The following CACNA1S variants were observed in gnomAD, a reference collection of about 807,000 sequenced individuals.
The protein encoded by CACNA1S is calcium voltage-gated channel subunit alpha1 S, also known as voltage-dependent L-type calcium channel subunit alpha-1S.
A neutral mutation model predicts 207.4 loss-of-function variants in CACNA1S; 126 were observed. That is an observed-to-expected ratio of 0.61 (90% CI 0.53 to 0.70). The LOEUF (loss-of-function observed/expected upper bound fraction) is 0.70, where lower values mean the gene tolerates loss of function less well. CACNA1S is among the 30% of genes least tolerant of loss of function. The pLI is 0.00. For synonymous variants in CACNA1S, 960 were observed against 932.7 expected, an observed-to-expected ratio of 1.03 and a Z score of -0.53; for missense variants, 2,349 against 2,422.8, an observed-to-expected ratio of 0.97 and a Z score of 0.64.
At position 201,054,686 on chromosome 1, in the gene CACNA1S, C is replaced by T. The variant is rs1484819539; in HGVS notation, c.3610-125G>A. 4 of 325,776 alleles carry T rather than the reference C, an allele frequency of 1.2e-5. No individual in the cohort carries two copies. In the South Asian group the frequency reaches 1.3e-4, roughly 11 times the overall value. The allele number at this position is 325,776 out of a possible 1,614,324, so 20.2% of individuals were successfully genotyped here. On this transcript the variant is annotated intron_variant, in intron 28 of 43. Transcript: ENST00000362061. Reference sequence around the variant, plus strand: ...CAGAAGAGTTAAAGAGAAAAAGAGGCAGGGGCTAAAGACCCCACATGGCTG... The same window carrying T: ...CAGAAGAGTTAAAGAGAAAAAGAGGTAGGGGCTAAAGACCCCACATGGCTG...
Position 201,091,953 on chromosome 1 carries a change from C to T in CACNA1S, c.541+19G>A, listed in dbSNP as rs1385258218. ...GGAAGGGAGAGGAGAAAGGGGTCTG[C>T]AGGGACACTGCCACCCACTAGGCAC... On this transcript the variant is annotated intron_variant, in intron 4 of 43. Coordinates refer to ENST00000362061, the MANE Select transcript of CACNA1S (RefSeq NM_000069.3). The T allele has an allele frequency of 2.5e-6, 4 of 1,613,892 alleles. No individual in the cohort carries two copies. The East Asian group carries it at 8.9e-5, about 36-fold the overall frequency.
intron 23 of CACNA1S, 69 bp downstream of exon 23, chr1:201,062,393 C>T: frequency 3.4e-6 from 5 of 1,477,640 alleles, no homozygotes; most frequent in Non-Finnish European, 4.7e-6. Context: ...ACAGTGCTCC[C>T]TGCCCCGTGA....
chr1:201,041,939 T>C (rs560303846), intron 40 of CACNA1S: 2 of 382,762 alleles, frequency 5.2e-6, no homozygotes, highest in East Asian at 6.1e-5. Context: ...CAAAGGTGAG[T>C]GGTGGCTGAG....
chr1:201,041,520 T>G lies in CACNA1S; in HGVS notation c.5118A>C (p.Gln1706His). 6.2e-7 allele frequency: 1 copy of G among 1,613,888 alleles called. No individual in the cohort carries two copies. The highest frequency in any genetic ancestry group is 1.1e-5 in the South Asian group (1 of 91,070). The change falls in exon 41 of 44, where the codon CAA becomes CAC. Residue 1706 changes from glutamine (Q) to histidine (H), a missense_variant. Gln to His is a conservative substitution (Grantham distance 24). Coordinates refer to ENST00000362061, the MANE Select transcript of CACNA1S (RefSeq NM_000069.3). ...TPATRGRALG[Q>H]PCRVLGPHSK... ...GGGACTGACCCAGGACCCTGCAGGG[T>G]TGGCCAAGGGCTCGTCCTCTGGTAG...
chr1:201,077,248 C>T (rs1323352443), intron 11 of CACNA1S, 121 bp from the exon 12 acceptor site: 6 of 833,950 alleles, frequency 7.2e-6, no homozygotes, highest in Non-Finnish European at 1.0e-5. Flanking sequence ...GGGGCTGCCT[C>T]ACTGCTGGAA....
intron 42 of CACNA1S, 31 bp from the exon 43 acceptor site, chr1:201,040,405 G>A (rs372666749): frequency 5.3e-5 from 86 of 1,610,060 alleles, no homozygotes; most frequent in Middle Eastern, 1.6e-4. Flanking sequence ...CAAAGACCCC[G>A]ACAGGGGTGC....
rs1661264115 is a variant in CACNA1S at position 201,066,886 on chromosome 1, C to T, written c.2657+1G>A. On this transcript the variant is annotated splice_donor_variant, in intron 20 of 43. Transcript: ENST00000362061. LOFTEE classifies it high-confidence loss of function. The surrounding 1 kb of genome is among the most constrained non-coding windows in gnomAD (Gnocchi z 4.3). ...CAGGGCTGGCCCTTGCCGCTGCTCA[C>T]TCAAGTCCCATGGAGATGAGGGACA... The T allele has an allele frequency of 2.5e-6, 4 of 1,612,532 alleles. No individual in the cohort carries two copies. The highest frequency in any genetic ancestry group is 3.4e-6 in the Non-Finnish European group (4 of 1,178,652).
At chr1:201,063,943 C>A (rs1271712162) in intron 22 of CACNA1S, among the ~76,000 whole-genome samples, 2 of 152,174 alleles carry the variant, frequency 1.3e-5, no homozygotes, top group Non-Finnish European at 2.9e-5. Context: ...CGTGGTGTTT[C>A]CACAGAGTCA....
intron 40 of CACNA1S, chr1:201,043,033 G>A (rs943715139): frequency 1.9e-5 from 9 of 482,380 alleles, no homozygotes; most frequent in Admixed American, 1.3e-4. Context: ...TGCTGAAGCC[G>A]ACGGAATAAA....
chr1:201,101,394 T>C (rs1386179114), intron 2 of CACNA1S, among the ~76,000 whole-genome samples: 1 of 152,212 alleles, frequency 6.6e-6, no homozygotes, highest in African/African-American at 2.4e-5. Context: ...TCCTTCTCAC[T>C]TCCAGGGCCT....
At chr1:201,076,033 A>C (rs1366351175) in intron 12 of CACNA1S, among the ~76,000 whole-genome samples, 3 of 151,790 alleles carry the variant, frequency 2.0e-5, no homozygotes, top group African/African-American at 7.3e-5. Context: ...GTGCCACTAC[A>C]CTCCAGTCTG....
chr1:201,098,659 A>ACCAGGTG (rs1662525298), intron 2 of CACNA1S, among the ~76,000 whole-genome samples: 1 of 152,142 alleles, frequency 6.6e-6, no homozygotes, highest in African/African-American at 2.4e-5. Flanking sequence ...TCACCTTCGA[A>ACCAGGTG]CCAGGTGCAG....
At chr1:201,065,639 T>C (rs1035784567) in intron 22 of CACNA1S, among the ~76,000 whole-genome samples, 199 bp downstream of exon 22, 60 of 152,380 alleles carry the variant, frequency 3.9e-4, no homozygotes, top group African/African-American at 1.3e-3. Flanking sequence ...GCTATTTAAA[T>C]GTAACGATGT....
chr1:201,051,689 C>T (rs74138820), intron 32 of CACNA1S, among the ~76,000 whole-genome samples: 3 of 152,230 alleles, frequency 2.0e-5, no homozygotes, highest in African/African-American at 7.2e-5. Context: ...GATAACCTCC[C>T]TCCACCTCTC....
At chr1:201,054,465 T>C (rs1197332137) in intron 29 of CACNA1S, 40 bp downstream of exon 29, 1 of 1,602,758 alleles carries the variant, frequency 6.2e-7, no homozygotes, top group African/African-American at 1.3e-5. Context: ...GGGCAGGAGC[T>C]GGTGAGCGTG....
intron 25 of CACNA1S, 149 bp from the exon 26 acceptor site, chr1:201,060,965 G>C: frequency 2.0e-6 from 2 of 1,023,262 alleles, no homozygotes; most frequent in South Asian, 2.6e-5. Context: ...GAATAATCCT[G>C]TTGGGCTTTG....
chr1:201,088,286 C>T (rs113761966), intron 6 of CACNA1S, among the ~76,000 whole-genome samples: 10 of 152,298 alleles, frequency 6.6e-5, no homozygotes, highest in African/African-American at 2.4e-4. Context: ...TTCAAATGAA[C>T]AACGTCTGTG....
chr1:201,112,294 G>C lies in CACNA1S; in HGVS notation c.46C>G (p.Pro16Ala). The change falls in exon 1 of 44, where the codon CCC (proline) becomes GCC (alanine). Residue 16 changes from proline (P) to alanine (A), a missense_variant. By Grantham distance (27) the Pro-to-Ala change is conservative. Coordinates refer to ENST00000362061, the MANE Select transcript of CACNA1S (RefSeq NM_000069.3). ...PQDEGLRKKQPKKPVPEILPR... is the reference protein window; with the variant it reads ...PQDEGLRKKQAKKPVPEILPR... The stretch of plus-strand genomic sequence containing the variant: ...AGAATCTCAGGAACTGGCTTCTTGG[G>C]CTGTTTCTTCCTCAGGCCTTCATCC... 6.2e-7 allele frequency: 1 copy of C among 1,613,928 alleles called. No homozygotes were observed. Among genetic ancestry groups the C allele is most frequent in the Non-Finnish European group, 8.5e-7 (1 of 1,179,946 alleles).
intron 22 of CACNA1S, among the ~76,000 whole-genome samples, chr1:201,064,284 C>T (rs1039043867): frequency 6.6e-6 from 1 of 152,168 alleles, no homozygotes; most frequent in Admixed American, 6.5e-5. Flanking sequence ...AGGTGGACAG[C>T]CCTCAGTTGG....
Sources: gnomAD v4.1 joint callset for allele counts (sites outside exome capture counted in the v4.1 genomes callset) on GRCh38, gnomAD v4.1.1 for gene constraint, Gnocchi (gnomAD v3.1) non-coding constraint, MANE v1.5 for transcripts, NCBI Gene and HGNC (gene_info 2026-07-23, HGNC 2026-07-21) for gene names.